GNAQ: variants seen among roughly 807,000 people sequenced by gnomAD.
The protein encoded by GNAQ is guanine nucleotide-binding protein G(q) subunit alpha.
GNAQ carries 8 observed loss-of-function variants against 43.9 expected under a neutral mutation model. The ratio of observed to expected loss-of-function variants is 0.18; its 90% confidence interval spans 0.11 to 0.33. GNAQ has a LOEUF of 0.33. Ranked by LOEUF, GNAQ falls within the 10% of genes least tolerant of loss-of-function variation. The pLI is 1.00. For missense variants in GNAQ, 158 were observed against 450.8 expected (o/e 0.35, Z 5.88); for synonymous variants, 155 against 170.7 (o/e 0.91, Z 0.71).
At chr9:77,738,317 CCACA>C (rs10637243) in intron 5 of GNAQ, among the ~76,000 whole-genome samples, 5 of 150,734 alleles carry the variant, frequency 3.3e-5, no homozygotes, top group African/African-American at 1.2e-4. Flanking sequence ...ACGCTACAAA[CCACA>C]CACACACACA....
At chr9:77,811,527 T>A (rs1325902123) in intron 3 of GNAQ, among the ~76,000 whole-genome samples, 1 of 152,166 alleles carries the variant, frequency 6.6e-6, no homozygotes, top group African/African-American at 2.4e-5. Context: ...ATCAGCGATG[T>A]TTAACATATG....
chr9:77,821,159 T>C (rs959407555), intron 2 of GNAQ, among the ~76,000 whole-genome samples: 68 of 152,326 alleles, frequency 4.5e-4, no homozygotes, highest in African/African-American at 1.5e-3. Context: ...ATTATTAAGT[T>C]TGTTCTTCTA....
rs1414284671 is a variant in GNAQ at position 77,982,378 on chromosome 9, TAAG to T, written c.136+48719_136+48721del. Among the ~76,000 whole-genome samples the T allele has an allele frequency of 2.6e-5, 4 of 152,302 alleles. No individual in the cohort carries two copies. The East Asian group carries it at 7.7e-4, about 29-fold the overall frequency. ...ATTTTTTTAATTGAATCCTCTTACTTAAGAATGGCAAGTTAAAGATCAGTCAAT... is the reference window on the plus strand; with the variant it reads ...ATTTTTTTAATTGAATCCTCTTACTTAATGGCAAGTTAAAGATCAGTCAAT... On this transcript the variant is annotated intron_variant, in intron 1 of 6. Transcript: ENST00000286548.
At chr9:77,979,592 A>T (rs1823344401) in intron 1 of GNAQ, among the ~76,000 whole-genome samples, 1 of 151,884 alleles carries the variant, frequency 6.6e-6, no homozygotes, top group Non-Finnish European at 1.5e-5. Context: ...AATAAAAAGA[A>T]CCTCTGAGGT....
intron 5 of GNAQ, among the ~76,000 whole-genome samples, chr9:77,764,585 A>T (rs1296388320): frequency 6.6e-6 from 1 of 151,914 alleles, no homozygotes; most frequent in African/African-American, 2.4e-5. Flanking sequence ...CCTCCCGAGT[A>T]ACTGGGACTA....
At chr9:77,826,360 C>T (rs1232958774) in intron 2 of GNAQ, among the ~76,000 whole-genome samples, 1 of 152,174 alleles carries the variant, frequency 6.6e-6, no homozygotes, top group Non-Finnish European at 1.5e-5. Flanking sequence ...GAACTCTCCA[C>T]AGAACTGAGA....
intron 1 of GNAQ, among the ~76,000 whole-genome samples, chr9:78,025,487 A>G (rs112188394): frequency 1.1e-3 from 164 of 152,332 alleles, no homozygotes; most frequent in African/African-American, 3.9e-3. Flanking sequence ...CTTCACTAGG[A>G]TTAAGTCTGC....
chr9:77,845,272 G>C (rs1324401163), intron 2 of GNAQ, among the ~76,000 whole-genome samples: 3 of 151,958 alleles, frequency 2.0e-5, no homozygotes, highest in South Asian at 2.1e-4. Context: ...TGAGCCACTG[G>C]CAAGTGTCAG....
intron 3 of GNAQ, among the ~76,000 whole-genome samples, chr9:77,809,720 T>C (rs1007474343): frequency 6.6e-6 from 1 of 152,194 alleles, no homozygotes; most frequent in Non-Finnish European, 1.5e-5. Flanking sequence ...GGTTCTATCA[T>C]TGCTGCCTGT....
chr9:77,972,953 C>CAAA (rs11356658), intron 1 of GNAQ, among the ~76,000 whole-genome samples: 3 of 62,530 alleles, frequency 4.8e-5, no homozygotes, highest in Middle Eastern at 7.6e-3. Context: ...GACTCCATCT[C>CAAA]AAAAAAAAAA....
chr9:77,810,852 G>A (rs948694851), intron 3 of GNAQ, among the ~76,000 whole-genome samples: 5 of 152,224 alleles, frequency 3.3e-5, no homozygotes, highest in African/African-American at 1.2e-4. Flanking sequence ...TGTACACAGT[G>A]TTAAGATAGA....
chr9:77,957,365 CAAAAA>C (rs578219305), intron 1 of GNAQ, among the ~76,000 whole-genome samples: 1 of 151,160 alleles, frequency 6.6e-6, no homozygotes, highest in Admixed American at 6.6e-5. Context: ...CAAAAAAAAA[CAAAAA>C]AACAAAAACA....
chr9:78,031,161 G>A lies in GNAQ; in HGVS notation c.75C>T (p.Ile25=), dbSNP rs755777760. The change falls in exon 1 of 7, where the codon ATC becomes ATT. Residue 25 remains isoleucine (I), a synonymous_variant. Transcript: ENST00000286548. The stretch of plus-strand genomic sequence containing the variant: ...GCTTGTCCCTGCGGAGCTGCCGCTC[G>A]ATCTCGTCGTTGATCCGCCGGGCTT... ...AKEARRINDE[I]ERQLRRDKRD... 17 of 1,555,156 alleles carry A rather than the reference G, an allele frequency of 1.1e-5. No individual in the cohort carries two copies. The highest frequency in any genetic ancestry group is 1.2e-5 in the South Asian group (1 of 85,864).
At chr9:77,827,031 G>A (rs749205978) in intron 2 of GNAQ, among the ~76,000 whole-genome samples, 6 of 152,114 alleles carry the variant, frequency 3.9e-5, no homozygotes, top group Non-Finnish European at 8.8e-5. Flanking sequence ...AAATTCTCAA[G>A]ATATGGGTTA....
chr9:78,004,940 A>C (rs556113532), intron 1 of GNAQ, among the ~76,000 whole-genome samples: 1 of 152,120 alleles, frequency 6.6e-6, no homozygotes, highest in Non-Finnish European at 1.5e-5. Context: ...GTAAGGAATA[A>C]GGCTAGAAGA....
intron 6 of GNAQ, among the ~76,000 whole-genome samples, chr9:77,728,226 C>G (rs902561053): frequency 2.0e-5 from 3 of 152,160 alleles, no homozygotes; most frequent in Non-Finnish European, 4.4e-5. Flanking sequence ...ATCGCTTGAC[C>G]TCGTGATCCG....
chr9:77,864,634 C>T lies in GNAQ; in HGVS notation c.322-48864G>A, dbSNP rs562290154. The stretch of plus-strand genomic sequence containing the variant: ...GACCATCCTGGAAAAGACAAGAAAA[C>T]GGACACTCCCCTAGAGCCTCCAAGA... On this transcript the variant is annotated intron_variant, in intron 2 of 6. Coordinates refer to ENST00000286548, the MANE Select transcript of GNAQ (RefSeq NM_002072.5). Among the ~76,000 whole-genome samples, 20 of 152,228 alleles carry T rather than the reference C, an allele frequency of 1.3e-4. No homozygotes were observed. In the East Asian group the frequency reaches 2.9e-3, roughly 22 times the overall value.
At chr9:77,914,935 C>A (rs1185800675) in intron 2 of GNAQ, among the ~76,000 whole-genome samples, 1 of 151,086 alleles carries the variant, frequency 6.6e-6, no homozygotes, top group Non-Finnish European at 1.5e-5. Context: ...ATTATCAAAG[C>A]AAATCTGTTG....
At chr9:78,002,076 A>G (rs1823650806) in intron 1 of GNAQ, among the ~76,000 whole-genome samples, 1 of 152,194 alleles carries the variant, frequency 6.6e-6, no homozygotes, top group Non-Finnish European at 1.5e-5. Flanking sequence ...CCTTGATGCC[A>G]TTTTTCTGTG....
Sources: gnomAD v4.1 joint callset for allele counts (sites outside exome capture counted in the v4.1 genomes callset) on GRCh38, gnomAD v4.1.1 for gene constraint, MANE v1.5 for transcripts, NCBI Gene and HGNC (gene_info 2026-07-23, HGNC 2026-07-21) for gene names.